The following MBOAT2 variants were observed in gnomAD, a reference collection of about 807,000 sequenced individuals.
MBOAT2 encodes membrane bound glycerophospholipid O-acyltransferase 2, also known as membrane-bound glycerophospholipid O-acyltransferase 2.
A neutral mutation model predicts 63.4 loss-of-function variants in MBOAT2; 28 were observed. The observed-to-expected ratio is 0.44, with a 90% CI of 0.33 to 0.61. The LOEUF (loss-of-function observed/expected upper bound fraction) is 0.61. Ranked by LOEUF, MBOAT2 falls within the 20% of genes least tolerant of loss-of-function variation. MBOAT2 has a pLI of 0.03. For synonymous variants in MBOAT2, 211 were observed against 215.6 expected, an observed-to-expected ratio of 0.98 and a Z score of 0.19; for missense variants, 470 against 605.8, an observed-to-expected ratio of 0.78 and a Z score of 2.35.
At chr2:8,878,414 T>C (rs1662857214) in intron 6 of MBOAT2, among the ~76,000 whole-genome samples, 1 of 152,356 alleles carries the variant, frequency 6.6e-6, no homozygotes, top group South Asian at 2.1e-4. Flanking sequence ...GGCAGGCTTC[T>C]TGAACATGTT....
chr2:8,895,811 C>T (rs1334219273), intron 4 of MBOAT2, among the ~76,000 whole-genome samples: 5 of 151,954 alleles, frequency 3.3e-5, no homozygotes, highest in African/African-American at 7.3e-5. Context: ...TTGATGGCCT[C>T]GATTCTAGAG....
chr2:8,906,753 C>CT (rs1416764526), intron 4 of MBOAT2, among the ~76,000 whole-genome samples: 1 of 152,228 alleles, frequency 6.6e-6, no homozygotes, highest in Non-Finnish European at 1.5e-5. Flanking sequence ...CCAATAAAGA[C>CT]TGAGTCACAC....
chr2:8,981,763 T>C (rs964659093), intron 1 of MBOAT2, among the ~76,000 whole-genome samples: 5 of 152,188 alleles, frequency 3.3e-5, no homozygotes, highest in South Asian at 2.1e-4. Flanking sequence ...TCCAGCCATG[T>C]TGGCTAGCTG....
At chr2:8,920,233 G>GT (rs1179906096) in intron 3 of MBOAT2, among the ~76,000 whole-genome samples, 1 of 152,140 alleles carries the variant, frequency 6.6e-6, no homozygotes, top group Admixed American at 6.5e-5. Flanking sequence ...ATGATGTGAG[G>GT]TAAGGGTCAG....
At chr2:8,967,789 A>G (rs1355387147) in intron 1 of MBOAT2, among the ~76,000 whole-genome samples, 1 of 152,194 alleles carries the variant, frequency 6.6e-6, no homozygotes, top group Non-Finnish European at 1.5e-5. Flanking sequence ...AAATATTTTG[A>G]GTATAACACA....
At chr2:8,866,769 C>T (rs779367445) in intron 9 of MBOAT2, among the ~76,000 whole-genome samples, 1 of 152,228 alleles carries the variant, frequency 6.6e-6, no homozygotes, top group Non-Finnish European at 1.5e-5. Flanking sequence ...CATAGAACTT[C>T]TCACTTTTGA....
chr2:8,970,568 AT>A (rs1289778840), intron 1 of MBOAT2, among the ~76,000 whole-genome samples: 7 of 152,322 alleles, frequency 4.6e-5, no homozygotes, highest in African/African-American at 1.7e-4. Flanking sequence ...TTCAAAAAAA[AT>A]CAATGAATCC....
chr2:8,933,100 C>T (rs1298218567), intron 3 of MBOAT2, among the ~76,000 whole-genome samples: 4 of 152,006 alleles, frequency 2.6e-5, no homozygotes, highest in Non-Finnish European at 5.9e-5. Context: ...TTTTTTTTAT[C>T]ATTCTAATGG....
Position 8,862,226 on chromosome 2 carries a change from C to T in MBOAT2, c.1185+364G>A. On this transcript the variant is annotated intron_variant, in intron 11 of 12. Coordinates refer to ENST00000305997, the MANE Select transcript of MBOAT2 (RefSeq NM_138799.4). The surrounding 1 kb of genome is among the most constrained non-coding windows in gnomAD (Gnocchi z 4.3). ...AGCCTAGTCTTCATCTGAGAGAGGA[C>T]TCAAAGGTTACAGCTTTCAGGAAAC... The T allele has an allele frequency of 8.5e-7, 1 of 1,171,018 alleles. No individual in the cohort carries two copies. The highest frequency in any genetic ancestry group is 1.4e-5 in the South Asian group (1 of 70,242). The allele number at this position is 1,171,018 out of a possible 1,614,324, so 72.5% of individuals were successfully genotyped here. A position where few individuals can be genotyped will look rare whatever the true frequency, so the allele number is the denominator to read the frequency against.
chr2:8,996,024 T>C (rs918803609), intron 1 of MBOAT2, among the ~76,000 whole-genome samples: 1 of 152,232 alleles, frequency 6.6e-6, no homozygotes, highest in Non-Finnish European at 1.5e-5. Flanking sequence ...CTGGCCCTCA[T>C]TGGGTATACC....
At chr2:8,911,659 G>T (rs868107673) in intron 3 of MBOAT2, among the ~76,000 whole-genome samples, 33 of 152,184 alleles carry the variant, frequency 2.2e-4, no homozygotes, top group African/African-American at 7.5e-4. Context: ...AGAACTGGTT[G>T]TTAAAAACAG....
intron 1 of MBOAT2, among the ~76,000 whole-genome samples, chr2:8,965,378 G>T (rs1267898454): frequency 6.6e-6 from 1 of 152,070 alleles, no homozygotes; most frequent in Non-Finnish European, 1.5e-5. Context: ...TGAGATCAGT[G>T]TTATCTCTAC....
intron 1 of MBOAT2, among the ~76,000 whole-genome samples, chr2:8,985,009 G>T (rs1345427866): frequency 6.6e-6 from 1 of 152,028 alleles, no homozygotes; most frequent in African/African-American, 2.4e-5. Flanking sequence ...TTGTTCAGAG[G>T]CCTCCCACTC....
chr2:8,899,665 CTTGT>C (rs988513085), intron 4 of MBOAT2, among the ~76,000 whole-genome samples: 2 of 152,200 alleles, frequency 1.3e-5, no homozygotes, highest in African/African-American at 4.8e-5. Context: ...GAGGGGGTAG[CTTGT>C]TTCTCATTGG....
intron 4 of MBOAT2, among the ~76,000 whole-genome samples, chr2:8,897,173 GTC>G (rs1346646264): frequency 3.3e-4 from 50 of 150,588 alleles, no homozygotes; most frequent in African/African-American, 1.2e-3. Context: ...GACTTTCTGT[GTC>G]TCTTTCTCTC....
intron 3 of MBOAT2, among the ~76,000 whole-genome samples, chr2:8,909,860 C>T (rs1665586245): frequency 6.6e-6 from 1 of 152,288 alleles, no homozygotes; most frequent in South Asian, 2.1e-4. Flanking sequence ...GCAGACTGCA[C>T]TTTCCAAAGA....
chr2:8,860,951 A>G (rs1291084813), intron 11 of MBOAT2, 187 bp from the exon 12 acceptor site: 1 of 470,046 alleles, frequency 2.1e-6, no homozygotes, highest in Non-Finnish European at 3.8e-6. Context: ...CACATTGTAC[A>G]CACTGTGTAT....
At position 8,994,075 on chromosome 2, in the gene MBOAT2, G is replaced by C. The variant is rs188390646; in HGVS notation, c.75+9465C>G. On this transcript the variant is annotated intron_variant, in intron 1 of 12. Transcript: ENST00000305997. Reference sequence around the variant, plus strand: ...TGCCAAGAGCACACAGCTAACAAGGGACAGTCAGAAGCTGAGCCAGTCTAT... The same window carrying C: ...TGCCAAGAGCACACAGCTAACAAGGCACAGTCAGAAGCTGAGCCAGTCTAT... Among the ~76,000 whole-genome samples, 4 of 152,314 alleles carry C rather than the reference G, an allele frequency of 2.6e-5. No homozygotes were observed. The East Asian group carries it at 7.7e-4, about 29-fold the overall frequency.
At chr2:8,927,556 TACA>T (rs1667015058) in intron 3 of MBOAT2, among the ~76,000 whole-genome samples, 1 of 152,070 alleles carries the variant, frequency 6.6e-6, no homozygotes, top group African/African-American at 2.4e-5. Context: ...GCAGCCCAAG[TACA>T]ATAGAGAGCT....
Sources: allele counts gnomAD v4.1 joint callset (sites outside exome capture counted in the v4.1 genomes callset), GRCh38; gene constraint gnomAD v4.1.1; non-coding constraint Gnocchi (gnomAD v3.1); transcripts MANE v1.5; gene names NCBI Gene and HGNC (gene_info 2026-07-23, HGNC 2026-07-21).